PEX11A: variants seen among roughly 807,000 people sequenced by gnomAD.
The protein encoded by PEX11A is peroxisomal biogenesis factor 11 alpha.
PEX11A carries 13 observed loss-of-function variants against 14.4 expected under a neutral mutation model. That is an observed-to-expected ratio of 0.90 (90% CI 0.59 to 1.43). The LOEUF is 1.43. Ranked by LOEUF, PEX11A falls within the 40% of genes most tolerant of loss-of-function variation. PEX11A has a pLI of 0.00. For missense variants in PEX11A, 290 were observed against 302.8 expected (o/e 0.96, Z 0.31); for synonymous variants, 101 against 113.0 (o/e 0.89, Z 0.67).
intron 1 of PEX11A, among the ~76,000 whole-genome samples, chr15:89,689,648 T>C (rs1438715455): frequency 2.6e-5 from 4 of 152,212 alleles, no homozygotes; most frequent in African/African-American, 7.2e-5. Context: ...TAGCACAGCA[T>C]GAACCTTAGA....
intron 1 of PEX11A, among the ~76,000 whole-genome samples, 154 bp from the exon 2 acceptor site, chr15:89,686,700 G>A (rs150436088): frequency 1.3e-5 from 2 of 152,312 alleles, no homozygotes; most frequent in East Asian, 3.9e-4. Context: ...TTCTGCAACA[G>A]TCATTCTACA....
chr15:89,683,663 C>A lies in PEX11A; in HGVS notation c.458G>T (p.Arg153Met), dbSNP rs146934539. The A allele has an allele frequency of 2.5e-6, 4 of 1,614,076 alleles. No individual in the cohort carries two copies. The African/African-American group carries it at 5.3e-5, about 22-fold the overall frequency. ...GGATGCTGATTTCTCTTTCTTTGCCCTGTCACATGTAACTCGTTTCATCTG... is the reference window on the plus strand; with the variant it reads ...GGATGCTGATTTCTCTTTCTTTGCCATGTCACATGTAACTCGTTTCATCTG... ...SLQMKRVTCD[R>M]AKKEKSASQD... Residue 153 changes from arginine (R) to methionine (M), a missense_variant, in exon 3 of 3, where the codon AGG (arginine) becomes ATG (methionine). Transcript: ENST00000300056.
chr15:89,683,272 C>T lies in PEX11A; in HGVS notation c.*105G>A. 1.2e-6 allele frequency: 1 copy of T among 807,498 alleles called. No homozygotes were observed. Among genetic ancestry groups the T allele is most frequent in the Non-Finnish European group, 2.0e-6 (1 of 492,266 alleles). The allele number at this position is 807,498 out of a possible 1,614,324, so 50.0% of individuals were successfully genotyped here. On this transcript the variant is annotated 3_prime_UTR_variant, in exon 3 of 3. Transcript: ENST00000300056. Reference sequence around the variant, plus strand: ...ACAGGTTGTTAAATGCTCACATGAACAAGAACTTAAGCACAGTATGACATG... The same window carrying T: ...ACAGGTTGTTAAATGCTCACATGAATAAGAACTTAAGCACAGTATGACATG...
chr15:89,685,615 C>A (rs1277080018), intron 2 of PEX11A, among the ~76,000 whole-genome samples: 2 of 152,038 alleles, frequency 1.3e-5, no homozygotes, highest in African/African-American at 4.8e-5. Flanking sequence ...CTTCTTCCTT[C>A]TCTCTAGCCT....
chr15:89,687,688 A>G (rs1006623835), intron 1 of PEX11A, among the ~76,000 whole-genome samples: 5 of 152,178 alleles, frequency 3.3e-5, no homozygotes, highest in Admixed American at 2.0e-4. Context: ...TTCATTTTCT[A>G]AAATAGTGAA....
chr15:89,688,645 C>T (rs1039634373), intron 1 of PEX11A, among the ~76,000 whole-genome samples: 1 of 151,964 alleles, frequency 6.6e-6, no homozygotes, highest in Non-Finnish European at 1.5e-5. Context: ...CCCACCTCAG[C>T]CTCCCAAAGT....
At chr15:89,685,644 C>A (rs1210683957) in intron 2 of PEX11A, among the ~76,000 whole-genome samples, 1 of 152,038 alleles carries the variant, frequency 6.6e-6, no homozygotes, top group Non-Finnish European at 1.5e-5. Flanking sequence ...GTTCCACCTC[C>A]TCTAAAACAC....
chr15:89,682,612 T>C lies in PEX11A; in HGVS notation c.*765A>G, dbSNP rs757325134. On this transcript the variant is annotated 3_prime_UTR_variant, in exon 3 of 3. Coordinates refer to ENST00000300056, the MANE Select transcript of PEX11A (RefSeq NM_003847.3). ...CAATTCTGAAGACAGTGGGAGAGCA[T>C]GGAGAGAACACTGGATTAGGAGTCA... 1 of 152,222 alleles carries C rather than the reference T, an allele frequency of 6.6e-6. No individual in the cohort carries two copies. The highest frequency in any genetic ancestry group is 1.5e-5 in the Non-Finnish European group (1 of 68,040). The allele number at this position is 152,222 out of a possible 1,614,324, so 9.4% of individuals were successfully genotyped here.
rs1246511423 is a variant in PEX11A, at chr15:89,686,299, T to C, written c.172+132A>G. On this transcript the variant is annotated intron_variant, in intron 2 of 2. Coordinates refer to ENST00000300056, the MANE Select transcript of PEX11A (RefSeq NM_003847.3). ...ACCTGTTGTGCCATGAGGACAGCCT[T>C]ACTGGTCAATTTCACCAATAAACTT... 5 of 604,416 alleles carry C rather than the reference T, an allele frequency of 8.3e-6. No homozygotes were observed. In the African/African-American group the frequency reaches 9.4e-5, roughly 11 times the overall value. The allele number at this position is 604,416 out of a possible 1,614,324, so 37.4% of individuals were successfully genotyped here. A position where few individuals can be genotyped will look rare whatever the true frequency, so the allele number is the denominator to read the frequency against.
chr15:89,690,018 G>A (rs1392456614), intron 1 of PEX11A, among the ~76,000 whole-genome samples: 1 of 152,166 alleles, frequency 6.6e-6, no homozygotes, highest in Non-Finnish European at 1.5e-5. Flanking sequence ...TGTAATCCCA[G>A]CTACTCAGGA....
Position 89,686,497 on chromosome 15 carries a change from C to A in PEX11A, c.106G>T (p.Ala36Ser). 3 of 1,607,916 alleles carry A rather than the reference C, an allele frequency of 1.9e-6. No homozygotes were observed. Among genetic ancestry groups the A allele is most frequent in the Non-Finnish European group, 2.6e-6 (3 of 1,174,466 alleles). ...MLLRYLLEPK[A>S]GKEKVVMKLK... ...TTCATTACCACCTTCTCTTTGCCAGCTTTGGGCTCTAACAAATATCTAAGC... is the reference window on the plus strand; with the variant it reads ...TTCATTACCACCTTCTCTTTGCCAGATTTGGGCTCTAACAAATATCTAAGC... The change falls in exon 2 of 3, where the codon GCT (alanine) becomes TCT (serine). Residue 36 changes from alanine to serine, a missense_variant. Transcript: ENST00000300056.
rs1024565352 is a variant in PEX11A at position 89,688,777 on chromosome 15, G to A, written c.56+1800C>T. Among the ~76,000 whole-genome samples the A allele has an allele frequency of 3.4e-4, 51 of 151,456 alleles. 1 individual carries two copies. Among genetic ancestry groups the A allele is most frequent in the African/African-American group, 3.2e-4 (13 of 41,128 alleles). The stretch of plus-strand genomic sequence containing the variant: ...GTTGCCCAGGCTGGAGTGCAGTGGC[G>A]TGATCTTGGCTCACTGCAAGCTTTG... On this transcript the variant is annotated intron_variant, in intron 1 of 2. Coordinates refer to ENST00000300056, the MANE Select transcript of PEX11A (RefSeq NM_003847.3).
intron 1 of PEX11A, among the ~76,000 whole-genome samples, chr15:89,688,761 G>A (rs1964722449): frequency 6.6e-6 from 1 of 151,180 alleles, no homozygotes; most frequent in Admixed American, 6.6e-5. Context: ...TGTTGCCCAG[G>A]CTGGAGTGCA....
At position 89,682,659 on chromosome 15, in the gene PEX11A, AGTTT is replaced by A. The variant is rs1450012491; in HGVS notation, c.*714_*717del. 6.6e-6 allele frequency: 1 copy of A among 152,246 alleles called. No individual in the cohort carries two copies. Among genetic ancestry groups the A allele is most frequent in the East Asian group, 1.9e-4 (1 of 5,194 alleles). 9.4% of individuals were successfully genotyped at this position (152,246 alleles called of 1,614,324 possible). A position where few individuals can be genotyped will look rare whatever the true frequency, so the allele number is the denominator to read the frequency against. On this transcript the variant is annotated 3_prime_UTR_variant, in exon 3 of 3. Coordinates refer to ENST00000300056, the MANE Select transcript of PEX11A (RefSeq NM_003847.3). ...GTCAGAGGAATGAGGCTCTAGCCTC[AGTTT>A]TTTGTTTGTCTCACTGTCAGCTTCT...
intron 1 of PEX11A, chr15:89,688,024 A>G (rs878892586): frequency 8.0e-5 from 43 of 539,812 alleles, no homozygotes; most frequent in South Asian, 5.8e-4. Context: ...TTAGATCTTC[A>G]CTGGGCTCAA....
At chr15:89,684,281 T>C (rs1964645677) in intron 2 of PEX11A, among the ~76,000 whole-genome samples, 1 of 152,208 alleles carries the variant, frequency 6.6e-6, no homozygotes, top group South Asian at 2.1e-4. Flanking sequence ...TACAGTACAT[T>C]AAGGACACCT....
chr15:89,684,147 C>T (rs1486033024), intron 2 of PEX11A, among the ~76,000 whole-genome samples, 199 bp from the exon 3 acceptor site: 3 of 152,186 alleles, frequency 2.0e-5, no homozygotes, highest in Non-Finnish European at 2.9e-5. Context: ...GCAATCCTCC[C>T]ACCTCAGCCT....
chr15:89,684,028 G>A, intron 2 of PEX11A, 80 bp from the exon 3 acceptor site: 1 of 1,075,648 alleles, frequency 9.3e-7, no homozygotes, highest in African/African-American at 1.6e-5. Context: ...TCAGGGTGAG[G>A]AGCCAGCTTT....
rs1321196757 is a variant in PEX11A, at chr15:89,681,853, C to G, written c.*1524G>C. On this transcript the variant is annotated 3_prime_UTR_variant, in exon 3 of 3. Coordinates refer to ENST00000300056, the MANE Select transcript of PEX11A (RefSeq NM_003847.3). ...ACATCGGCCTCCTACCTGCTGGCAT[C>G]CTATTTCTCTACCTCACCTCCCTCA... 7.7e-6 allele frequency: 2 copies of G among 259,096 alleles called. No individual in the cohort carries two copies. The highest frequency in any genetic ancestry group is 1.5e-5 in the Non-Finnish European group (2 of 134,388). 16.0% of individuals were successfully genotyped at this position (259,096 alleles called of 1,614,324 possible).
Sources: allele counts gnomAD v4.1 joint callset (sites outside exome capture counted in the v4.1 genomes callset), GRCh38; gene constraint gnomAD v4.1.1; transcripts MANE v1.5; gene names NCBI Gene and HGNC (gene_info 2026-07-23, HGNC 2026-07-21).